Variants in DROSHA observed in about 807,000 individuals in gnomAD.
DROSHA encodes drosha ribonuclease III, also known as ribonuclease 3.
DROSHA carries 56 observed loss-of-function variants against 181.9 expected under a neutral mutation model. The observed-to-expected ratio is 0.31, with a 90% CI of 0.25 to 0.38. The LOEUF (loss-of-function observed/expected upper bound fraction) is 0.38, where lower values mean the gene tolerates loss of function less well. Among genes scored for constraint, DROSHA ranks in the 10% least tolerant of loss-of-function variants. The pLI is 1.00. For synonymous variants in DROSHA, 524 were observed against 591.2 expected, an observed-to-expected ratio of 0.89 and a Z score of 1.65; for missense variants, 1,218 against 1,743.5, an observed-to-expected ratio of 0.70 and a Z score of 5.37.
intron 10 of DROSHA, among the ~76,000 whole-genome samples, chr5:31,506,318 G>T (rs1737942323): frequency 6.6e-6 from 1 of 150,394 alleles, no homozygotes; most frequent in Non-Finnish European, 1.5e-5. Context: ...AGCTGAGATT[G>T]TACCACGGCA....
chr5:31,500,686 G>C (rs923347548), intron 11 of DROSHA, among the ~76,000 whole-genome samples: 1 of 152,166 alleles, frequency 6.6e-6, no homozygotes, highest in African/African-American at 2.4e-5. Context: ...TCCTCTGCAG[G>C]CCAGGGCTGA....
At chr5:31,435,682 T>C (rs1201689318) in intron 25 of DROSHA, 83 bp downstream of exon 25, 1 of 1,234,188 alleles carries the variant, frequency 8.1e-7, no homozygotes, top group Non-Finnish European at 1.2e-6. Flanking sequence ...CCTAACGAGT[T>C]ACTTATTCAA....
chr5:31,410,430 G>C (rs1741171768), intron 31 of DROSHA, among the ~76,000 whole-genome samples: 1 of 152,066 alleles, frequency 6.6e-6, no homozygotes, highest in Non-Finnish European at 1.5e-5. Context: ...TGGCAAAAAG[G>C]CTCTGATTTA....
intron 17 of DROSHA, among the ~76,000 whole-genome samples, chr5:31,468,519 T>G (rs1749368434): frequency 6.6e-6 from 1 of 152,194 alleles, no homozygotes; most frequent in South Asian, 2.1e-4. Context: ...ATTCTACATC[T>G]TTAAGTTAGA....
intron 6 of DROSHA, among the ~76,000 whole-genome samples, chr5:31,518,007 T>C (rs977510973): frequency 2.0e-5 from 3 of 152,220 alleles, no homozygotes; most frequent in Non-Finnish European, 4.4e-5. Flanking sequence ...AGAGATATAG[T>C]CTAAGAAATG....
In DROSHA at chr5:31,409,070, G is replaced by C; in HGVS notation, c.3840C>G (p.Asp1280Glu). 1 of 1,613,850 alleles carries C rather than the reference G, an allele frequency of 6.2e-7. No individual in the cohort carries two copies. Among genetic ancestry groups the C allele is most frequent in the South Asian group, 1.1e-5 (1 of 91,064 alleles). Residue 1280 changes from aspartate to glutamate, a missense_variant, in exon 33 of 36, where the codon GAC (aspartate) becomes GAG (glutamate). Physicochemically the swap from Asp to Glu is conservative, Grantham distance 45 (BLOSUM62 2). This residue lies in a region of DROSHA where 48 missense variants were observed against 124.9 expected (regional missense o/e 0.38). Transcript: ENST00000344624. This position sits in a 1 kb window ranked among gnomAD's most constrained non-coding sequence, Gnocchi z 4.0. ...CAAGTACTTACTTGTACAGAGGAATGTCTGGCTCTTTTCCTTCTGTCCTAA... is the reference window on the plus strand; with the variant it reads ...CAAGTACTTACTTGTACAGAGGAATCTCTGGCTCTTTTCCTTCTGTCCTAA... The part of the protein sequence containing the change: ...LTLRTEGKEP[D>E]IPLYKTLQTV...
intron 17 of DROSHA, among the ~76,000 whole-genome samples, chr5:31,469,579 A>G (rs1414528292): frequency 6.6e-6 from 1 of 152,248 alleles, no homozygotes; most frequent in Non-Finnish European, 1.5e-5. Context: ...TTTGTACAAC[A>G]AAACAGCAGG....
chr5:31,435,253 T>C (rs1482124771), intron 25 of DROSHA, among the ~76,000 whole-genome samples: 1 of 152,202 alleles, frequency 6.6e-6, no homozygotes, highest in African/African-American at 2.4e-5. Context: ...GCTAAGTCAA[T>C]GAGGCTAGGG....
rs16901090 is a variant in DROSHA, at chr5:31,404,475, G to A, written c.3994+1202C>T. ...TTTCCACTTGGCTGTTGGCCTGCTT[G>A]CCTTTCCTGGAATCTCTCCCATGCC... On this transcript the variant is annotated intron_variant, in intron 35 of 35. Coordinates refer to ENST00000344624, the MANE Select transcript of DROSHA (RefSeq NM_001382508.1). Among the ~76,000 whole-genome samples the A allele has an allele frequency of 0.015, 2,259 of 152,182 alleles. 131 individuals are homozygous for A. The East Asian group carries it at 0.21, about 14-fold the overall frequency.
At chr5:31,437,987 A>C (rs1205175230) in intron 23 of DROSHA, among the ~76,000 whole-genome samples, 1 of 152,194 alleles carries the variant, frequency 6.6e-6, no homozygotes, top group African/African-American at 2.4e-5. Flanking sequence ...TTCTTTATGA[A>C]GCCCTGCCCG....
intron 14 of DROSHA, 42 bp from the exon 15 acceptor site, chr5:31,485,004 A>C (rs1243579375): frequency 6.6e-6 from 9 of 1,368,554 alleles, no homozygotes; most frequent in African/African-American, 1.5e-5. Flanking sequence ...GTTTGGCAAA[A>C]TATACATTAA....
intron 23 of DROSHA, among the ~76,000 whole-genome samples, chr5:31,444,841 A>C (rs932829553): frequency 2.0e-5 from 3 of 152,240 alleles, no homozygotes; most frequent in African/African-American, 7.2e-5. Context: ...ATTTTCAAAC[A>C]AGAATTTTAA....
intron 8 of DROSHA, among the ~76,000 whole-genome samples, chr5:31,511,896 C>A (rs1298457777): frequency 6.9e-6 from 1 of 145,330 alleles, no homozygotes; most frequent in Admixed American, 7.1e-5. Flanking sequence ...TAAGAAATAT[C>A]CTATATATCC....
At chr5:31,529,173 C>T in intron 3 of DROSHA, 68 bp from the exon 4 acceptor site, 1 of 1,378,134 alleles carries the variant, frequency 7.3e-7, no homozygotes, top group Non-Finnish European at 1.0e-6. Context: ...CAAAATATTT[C>T]TGCAATTACC....
chr5:31,402,062 G>A (rs1425468622), intron 35 of DROSHA, among the ~76,000 whole-genome samples: 1 of 152,096 alleles, frequency 6.6e-6, no homozygotes, highest in African/African-American at 2.4e-5. Flanking sequence ...ACAAAAAGGG[G>A]CCACGTTCCA....
chr5:31,522,536 G>A lies in DROSHA; in HGVS notation c.855-1321C>T, dbSNP rs148748538. ...ATGACTGGTACCTCTGAGTGGGTAG[G>A]ACTTGAAAAGACCAATTTGGATATA... On this transcript the variant is annotated intron_variant, in intron 5 of 35. Coordinates refer to ENST00000344624, the MANE Select transcript of DROSHA (RefSeq NM_001382508.1). Among the ~76,000 whole-genome samples, 575 of 152,220 alleles carry A rather than the reference G, an allele frequency of 3.8e-3. 3 individuals are homozygous for A. The highest frequency in any genetic ancestry group is 0.013 in the African/African-American group (534 of 41,532).
chr5:31,427,691 A>T (rs894913452), intron 27 of DROSHA, among the ~76,000 whole-genome samples: 5 of 152,158 alleles, frequency 3.3e-5, no homozygotes, highest in African/African-American at 9.7e-5. Flanking sequence ...CTCACAAAGG[A>T]TGTCTCTCTC....
chr5:31,438,127 C>A (rs1026978936), intron 23 of DROSHA, among the ~76,000 whole-genome samples: 5 of 152,172 alleles, frequency 3.3e-5, no homozygotes, highest in African/African-American at 1.2e-4. Context: ...GCTGAAATGA[C>A]CAAGAAGGTG....
chr5:31,505,404 G>C (rs374666534), intron 10 of DROSHA, among the ~76,000 whole-genome samples: 1 of 152,172 alleles, frequency 6.6e-6, no homozygotes, highest in East Asian at 1.9e-4. Context: ...AAACAAAATG[G>C]CTGCTCCACA....
Sources: gnomAD v4.1 joint callset for allele counts (sites outside exome capture counted in the v4.1 genomes callset) on GRCh38, gnomAD v4.1.1 for gene constraint, gnomAD v4.1.1 regional missense constraint, Gnocchi (gnomAD v3.1) non-coding constraint, MANE v1.5 for transcripts, NCBI Gene and HGNC (gene_info 2026-07-23, HGNC 2026-07-21) for gene names.